Variants in ADCY5 observed in about 807,000 individuals in gnomAD.
ADCY5 encodes the protein adenylate cyclase type 5.
ADCY5 carries 30 observed loss-of-function variants against 119.7 expected under a neutral mutation model. The observed-to-expected ratio is 0.25, with a 90% CI of 0.19 to 0.34. ADCY5 has a LOEUF of 0.34. ADCY5 is among the 10% of genes least tolerant of loss of function. The pLI, the probability that ADCY5 is intolerant of heterozygous loss-of-function variation, is 1.00. For missense variants in ADCY5, 1,324 were observed against 1,775.2 expected, an observed-to-expected ratio of 0.75 and a Z score of 4.57; for synonymous variants, 753 against 762.2, an observed-to-expected ratio of 0.99 and a Z score of 0.20.
intron 1 of ADCY5, among the ~76,000 whole-genome samples, chr3:123,398,637 C>T (rs1428607089): frequency 6.6e-6 from 1 of 152,152 alleles, no homozygotes; most frequent in African/African-American, 2.4e-5. Flanking sequence ...TATTTCTACC[C>T]CTACACACAC....
At position 123,286,596 on chromosome 3, in the gene ADCY5, G is replaced by A; in HGVS notation, c.3657+89C>T. On this transcript the variant is annotated intron_variant, in intron 20 of 20. Coordinates refer to ENST00000462833, the MANE Select transcript of ADCY5 (RefSeq NM_183357.3). This position sits in a 1 kb window ranked among gnomAD's most constrained non-coding sequence, Gnocchi z 4.2. The stretch of plus-strand genomic sequence containing the variant: ...ATCTGGCTGCAGACATTCTGACTGG[G>A]AACTGTAGGTGGCCTGCCCTGAAGA... The A allele has an allele frequency of 1.4e-6, 2 of 1,477,304 alleles. No individual in the cohort carries two copies. Among genetic ancestry groups the A allele is most frequent in the East Asian group, 2.4e-5 (1 of 42,530 alleles). 91.5% of individuals were successfully genotyped at this position (1,477,304 alleles called of 1,614,324 possible).
Position 123,330,899 on chromosome 3 carries a change from C to T in ADCY5, c.1636G>A (p.Glu546Lys). Residue 546 changes from glutamate to lysine, a missense_variant, in exon 5 of 21, where the codon GAG becomes AAG. Physicochemically the swap from Glu to Lys is moderately conservative, Grantham distance 56. Around this residue, in one of 6 missense-constraint regions of ADCY5, gnomAD observed 123 missense variants for 287.9 expected, o/e 0.43. Transcript: ENST00000462833. ...CCVEMGMDMI[E>K]AISLVREVTG... The stretch of plus-strand genomic sequence containing the variant: ...GGGGTGGACACTTACGAGATGGCCT[C>T]GATCATGTCCATGCCCATCTCCACA... The T allele has an allele frequency of 6.2e-7, 1 of 1,612,166 alleles. No individual in the cohort carries two copies. Among genetic ancestry groups the T allele is most frequent in the Non-Finnish European group, 8.5e-7 (1 of 1,179,182 alleles).
chr3:123,392,682 A>G (rs1363345536), intron 1 of ADCY5, among the ~76,000 whole-genome samples: 1 of 151,756 alleles, frequency 6.6e-6, no homozygotes, highest in East Asian at 1.9e-4. Context: ...TTCTCTCTGC[A>G]TGTCTCTCTT....
chr3:123,320,848 G>A (rs1941184357), intron 8 of ADCY5, 77 bp from the exon 9 acceptor site: 3 of 1,088,278 alleles, frequency 2.8e-6, no homozygotes, highest in Admixed American at 2.0e-5. Context: ...CGTCTAGATG[G>A]CTGCAGCTCA....
In ADCY5 at chr3:123,426,307, T is replaced by TG. The variant is rs202027712; in HGVS notation, c.1134+21104_1134+21105insC. Among the ~76,000 whole-genome samples, 57 of 9,696 alleles carry TG rather than the reference T, an allele frequency of 5.9e-3. 1 individual carries two copies. The East Asian group carries it at 0.33, about 57-fold the overall frequency. The allele number at this position is 9,696 out of a possible 152,430, so 6.4% of individuals were successfully genotyped here. Reference sequence around the variant, plus strand: ...TTTTTCTTTTCTTTTGTGTTTTTTTTTTGTTTGTTTTTGTTTGTTTGTTTG... The same window carrying TG: ...TTTTTCTTTTCTTTTGTGTTTTTTTTGTTGTTTGTTTTTGTTTGTTTGTTTG... On this transcript the variant is annotated intron_variant, in intron 1 of 20. Transcript: ENST00000462833.
chr3:123,286,592 C>T lies in ADCY5; in HGVS notation c.3657+93G>A. 6.8e-7 allele frequency: 1 copy of T among 1,472,786 alleles called. No homozygotes were observed. Among genetic ancestry groups the T allele is most frequent in the African/African-American group, 1.4e-5 (1 of 70,816 alleles). The allele number at this position is 1,472,786 out of a possible 1,614,324, so 91.2% of individuals were successfully genotyped here. On this transcript the variant is annotated intron_variant, in intron 20 of 20. Transcript: ENST00000462833. This position sits in a 1 kb window ranked among gnomAD's most constrained non-coding sequence, Gnocchi z 4.2. ...TTGAATCTGGCTGCAGACATTCTGA[C>T]TGGGAACTGTAGGTGGCCTGCCCTG...
intron 1 of ADCY5, among the ~76,000 whole-genome samples, chr3:123,434,916 T>C (rs903560925): frequency 6.6e-6 from 1 of 152,130 alleles, no homozygotes; most frequent in East Asian, 1.9e-4. Flanking sequence ...CCCACTAATA[T>C]GTGACAATCC....
Position 123,447,841 on chromosome 3 carries a change from G to T in ADCY5, c.705C>A (p.Phe235Leu). ...TGGTGAGGCTGCTCTGGTTCAGGCG[G>T]AAGAAGTAGCGCTGGTACAGCCGCT... Reference protein sequence around the residue: ...KLERLYQRYFFRLNQSSLTML... With the variant: ...KLERLYQRYFLRLNQSSLTML... Residue 235 changes from phenylalanine to leucine, a missense_variant, in exon 1 of 21, where the codon TTC becomes TTA. Transcript: ENST00000462833. 6.2e-7 allele frequency: 1 copy of T among 1,612,794 alleles called. No homozygotes were observed. The highest frequency in any genetic ancestry group is 8.5e-7 in the Non-Finnish European group (1 of 1,179,746).
chr3:123,380,411 C>T (rs1411951364), intron 1 of ADCY5, among the ~76,000 whole-genome samples: 1 of 152,194 alleles, frequency 6.6e-6, no homozygotes, highest in Non-Finnish European at 1.5e-5. Context: ...AGAGAAGAGG[C>T]CTGTAAGCCC....
Position 123,284,251 on chromosome 3 carries a change from G to GC in ADCY5, c.*356dup, listed in dbSNP as rs1259071944. The GC allele has an allele frequency of 1.1e-4, 22 of 204,204 alleles. No homozygotes were observed. The East Asian group carries it at 2.8e-3, about 26-fold the overall frequency. 12.6% of individuals were successfully genotyped at this position (204,204 alleles called of 1,614,324 possible). ...CCGTCTACCCCCAGCTGAGTCGGAG[G>GC]CCCCTCAGCCCTGCCCTTGTCTGGG... On this transcript the variant is annotated 3_prime_UTR_variant, in exon 21 of 21. Coordinates refer to ENST00000462833, the MANE Select transcript of ADCY5 (RefSeq NM_183357.3).
chr3:123,345,368 C>A (rs1392998726), intron 3 of ADCY5, among the ~76,000 whole-genome samples: 1 of 152,358 alleles, frequency 6.6e-6, no homozygotes, highest in Non-Finnish European at 1.5e-5. Flanking sequence ...TGCTTCTGAG[C>A]AGCAAATTTT....
intron 8 of ADCY5, among the ~76,000 whole-genome samples, chr3:123,321,209 G>T (rs1357815122): frequency 6.6e-6 from 1 of 152,126 alleles, no homozygotes; most frequent in Non-Finnish European, 1.5e-5. Flanking sequence ...TCACCTCCTT[G>T]TGTACATCAC....
intron 1 of ADCY5, among the ~76,000 whole-genome samples, chr3:123,361,735 T>A (rs1943256998): frequency 6.6e-6 from 1 of 152,232 alleles, no homozygotes; most frequent in Admixed American, 6.5e-5. Flanking sequence ...TACTTGCATA[T>A]ACATAATGAG....
At chr3:123,383,451 G>A (rs928623692) in intron 1 of ADCY5, among the ~76,000 whole-genome samples, 8 of 152,216 alleles carry the variant, frequency 5.3e-5, no homozygotes, top group Non-Finnish European at 8.8e-5. Flanking sequence ...AAGGCTTAGC[G>A]GGGAGGGGTA....
rs1941733282 is a variant in ADCY5, at chr3:123,330,932, G to T, written c.1603C>A (p.His535Asn). The T allele has an allele frequency of 1.2e-6, 2 of 1,613,856 alleles. No homozygotes were observed. The change falls in exon 5 of 21, where the codon CAC becomes AAC. Residue 535 changes from histidine to asparagine, a missense_variant. His to Asn is a moderately conservative substitution (Grantham distance 68, BLOSUM62 1). This residue lies in a region of ADCY5 where 123 missense variants were observed against 287.9 expected (regional missense o/e 0.43). Transcript: ENST00000462833. ...GLPEARADHA[H>N]CCVEMGMDMI... The stretch of plus-strand genomic sequence containing the variant: ...TCCATGCCCATCTCCACACAGCAGT[G>T]GGCGTGGTCAGCCCTTGCTTCAGGC...
At chr3:123,403,665 G>C (rs2107612881) in intron 1 of ADCY5, among the ~76,000 whole-genome samples, 1 of 152,300 alleles carries the variant, frequency 6.6e-6, no homozygotes, top group Non-Finnish European at 1.5e-5. Context: ...ACTGCCGTGA[G>C]AATCAATCAG....
At chr3:123,314,107 A>G in intron 12 of ADCY5, 128 bp downstream of exon 12, 1 of 682,798 alleles carries the variant, frequency 1.5e-6, no homozygotes, top group Non-Finnish European at 2.5e-6. Context: ...GGCTGGCATC[A>G]GGCACTCTCC....
At chr3:123,414,154 C>T (rs1431972276) in intron 1 of ADCY5, among the ~76,000 whole-genome samples, 1 of 152,088 alleles carries the variant, frequency 6.6e-6, no homozygotes, top group East Asian at 1.9e-4. Flanking sequence ...GACACCAAAA[C>T]TTCAAAGACC....
chr3:123,339,002 C>A (rs912279536), intron 3 of ADCY5, among the ~76,000 whole-genome samples: 6 of 152,168 alleles, frequency 3.9e-5, no homozygotes, highest in Non-Finnish European at 8.8e-5. Context: ...TCTCCTGCAG[C>A]CCCTGGCATC....
Sources: allele counts gnomAD v4.1 joint callset (sites outside exome capture counted in the v4.1 genomes callset), GRCh38; gene constraint gnomAD v4.1.1; regional missense constraint gnomAD v4.1.1; non-coding constraint Gnocchi (gnomAD v3.1); transcripts MANE v1.5; gene names NCBI Gene and HGNC (gene_info 2026-07-23, HGNC 2026-07-21).